BICD1: variants seen among roughly 807,000 people sequenced by gnomAD.
The protein encoded by BICD1 is BICD cargo adaptor 1.
BICD1 carries 35 observed loss-of-function variants against 92.5 expected under a neutral mutation model. That is an observed-to-expected ratio of 0.38 (90% confidence interval 0.29 to 0.50). The LOEUF (loss-of-function observed/expected upper bound fraction) is 0.50, where lower values mean the gene tolerates loss of function less well. BICD1 is among the 20% of genes least tolerant of loss of function. BICD1 has a pLI of 0.93. For synonymous variants in BICD1, 429 were observed against 465.1 expected (o/e 0.92, Z 1.00); for missense variants, 950 against 1,189.8 (o/e 0.80, Z 2.97).
intron 1 of BICD1, among the ~76,000 whole-genome samples, chr12:32,128,015 T>A (rs1208363979): frequency 6.6e-6 from 1 of 152,018 alleles, no homozygotes; most frequent in African/African-American, 2.4e-5. Context: ...GTGATTCTCC[T>A]GCCTCAGCCT....
At chr12:32,146,335 A>G (rs960188906) in intron 1 of BICD1, among the ~76,000 whole-genome samples, 3 of 152,160 alleles carry the variant, frequency 2.0e-5, no homozygotes, top group Admixed American at 2.0e-4. Context: ...ATGAGCTCAG[A>G]TAGAGATCAT....
intron 1 of BICD1, among the ~76,000 whole-genome samples, chr12:32,134,241 A>G (rs1942652494): frequency 6.6e-6 from 1 of 152,210 alleles, no homozygotes; most frequent in Non-Finnish European, 1.5e-5. Flanking sequence ...CCTGTGCCCT[A>G]CCATGGAACT....
chr12:32,116,339 A>ACTCTTTT (rs1289889022), intron 1 of BICD1, among the ~76,000 whole-genome samples: 4 of 151,272 alleles, frequency 2.6e-5, no homozygotes, highest in South Asian at 4.2e-4. Context: ...TCTTCCATCA[A>ACTCTTTT]CTCTTTTATG....
At chr12:32,183,367 C>T (rs767246914) in intron 1 of BICD1, among the ~76,000 whole-genome samples, 13 of 150,904 alleles carry the variant, frequency 8.6e-5, no homozygotes, top group African/African-American at 2.9e-4. Context: ...CTGGTTCAAG[C>T]GATTCTCCTG....
intron 2 of BICD1, among the ~76,000 whole-genome samples, chr12:32,258,143 A>G (rs1176557069): frequency 2.0e-5 from 3 of 152,222 alleles, no homozygotes; most frequent in East Asian, 1.9e-4. Context: ...GACAGGCCCA[A>G]TATGTGAGGG....
intron 2 of BICD1, among the ~76,000 whole-genome samples, chr12:32,290,821 T>C (rs182561780): frequency 6.6e-6 from 1 of 152,266 alleles, no homozygotes; most frequent in East Asian, 1.9e-4. Flanking sequence ...AAATCTTCAC[T>C]TGCTCTTGCT....
rs76579761 is a variant in BICD1, at chr12:32,167,661, G to C, written c.214-48586G>C. On this transcript the variant is annotated intron_variant, in intron 1 of 9. Coordinates refer to ENST00000652176, the MANE Select transcript of BICD1 (RefSeq NM_001714.4). The stretch of plus-strand genomic sequence containing the variant: ...GGTTGAAATGGGGCTTCACCATGTT[G>C]GTCAGGCTGGTCTCAAACTCCTGAC... Among the ~76,000 whole-genome samples, 1,505 of 152,186 alleles carry C rather than the reference G, an allele frequency of 9.9e-3. 28 individuals carry two copies. Among genetic ancestry groups the C allele is most frequent in the African/African-American group, 0.034 (1,426 of 41,510 alleles).
At chr12:32,109,431 C>T (rs2121120691) in intron 1 of BICD1, 1 of 152,046 alleles carries the variant, frequency 6.6e-6, no homozygotes, top group East Asian at 1.9e-4. Flanking sequence ...GTTTCACCAG[C>T]AGTAATGAGA....
Position 32,328,239 on chromosome 12 carries a change from C to G in BICD1, c.1784C>G (p.Thr595Ser), listed in dbSNP as rs1314647459. 6.2e-7 allele frequency: 1 copy of G among 1,614,214 alleles called. No individual in the cohort carries two copies. Reference sequence around the variant, plus strand: ...GAGGCCAGCAAAGAACCAAGTCCAACTAAGACCCCCACAATCTCTCCTGTT... The same window carrying G: ...GAGGCCAGCAAAGAACCAAGTCCAAGTAAGACCCCCACAATCTCTCCTGTT... The part of the protein sequence containing the change: ...STEASKEPSP[T>S]KTPTISPVIT... Residue 595 changes from threonine to serine, a missense_variant, in exon 5 of 10, where the codon ACT (threonine) becomes AGT (serine). By Grantham distance (58) the Thr-to-Ser change is moderately conservative (BLOSUM62 1). Coordinates refer to ENST00000652176, the MANE Select transcript of BICD1 (RefSeq NM_001714.4). The surrounding 1 kb of genome is among the most constrained non-coding windows in gnomAD (Gnocchi z 4.4).
At chr12:32,321,279 T>A (rs1948649671) in intron 4 of BICD1, among the ~76,000 whole-genome samples, 1 of 151,906 alleles carries the variant, frequency 6.6e-6, no homozygotes, top group South Asian at 2.1e-4. Flanking sequence ...TGATCCAAGA[T>A]CACACCACTG....
intron 1 of BICD1, among the ~76,000 whole-genome samples, chr12:32,175,199 A>G (rs1944056089): frequency 6.6e-6 from 1 of 152,232 alleles, no homozygotes; most frequent in Admixed American, 6.5e-5. Flanking sequence ...GCATTCTGGC[A>G]GGACAAATGA....
At chr12:32,143,644 T>C (rs548594965) in intron 1 of BICD1, among the ~76,000 whole-genome samples, 3 of 152,346 alleles carry the variant, frequency 2.0e-5, no homozygotes, top group African/African-American at 7.2e-5. Context: ...GTTGTACATA[T>C]AGCCTGGTGA....
intron 2 of BICD1, among the ~76,000 whole-genome samples, chr12:32,255,883 G>T (rs745456759): frequency 6.6e-6 from 1 of 152,082 alleles, no homozygotes; most frequent in African/African-American, 2.4e-5. Flanking sequence ...GCGGCCAGGC[G>T]TATTAAAATA....
chr12:32,154,401 G>A (rs1001745016), intron 1 of BICD1, among the ~76,000 whole-genome samples: 1 of 152,086 alleles, frequency 6.6e-6, no homozygotes, highest in Non-Finnish European at 1.5e-5. Context: ...ACCCACCACT[G>A]TTAGATCAGT....
rs560408045 is a variant in BICD1 at position 32,378,727 on chromosome 12, G to A, written c.*1100G>A. The A allele has an allele frequency of 3.1e-4, 47 of 151,578 alleles. No homozygotes were observed. Among genetic ancestry groups the A allele is most frequent in the Non-Finnish European group, 5.9e-4 (40 of 67,994 alleles). The allele number at this position is 151,578 out of a possible 1,614,324, so 9.4% of individuals were successfully genotyped here. ...GATTAAAATTGTATGTTTTGTTGTT[G>A]TTAGTTTTTTTCATAACGAATCTTC... On this transcript the variant is annotated 3_prime_UTR_variant, in exon 10 of 10. Transcript: ENST00000652176.
At position 32,379,791 on chromosome 12, in the gene BICD1, A is replaced by C. The variant is rs566264714; in HGVS notation, c.*2164A>C. The stretch of plus-strand genomic sequence containing the variant: ...ATGCCTTTTTAAAAAGTACCTCAGA[A>C]CATGTTCGTAGATCGTCTCATCGGT... On this transcript the variant is annotated 3_prime_UTR_variant, in exon 10 of 10. Transcript: ENST00000652176. The C allele has an allele frequency of 6.6e-6, 1 of 152,296 alleles. No individual in the cohort carries two copies. The highest frequency in any genetic ancestry group is 6.5e-5 in the Admixed American group (1 of 15,294). 9.4% of individuals were successfully genotyped at this position (152,296 alleles called of 1,614,324 possible).
At chr12:32,237,929 T>G (rs1028151410) in intron 2 of BICD1, among the ~76,000 whole-genome samples, 1 of 152,212 alleles carries the variant, frequency 6.6e-6, no homozygotes, top group Non-Finnish European at 1.5e-5. Flanking sequence ...AAGAAATACA[T>G]TTTATAAAGA....
intron 1 of BICD1, among the ~76,000 whole-genome samples, chr12:32,115,391 T>TTTTG (rs1941855742): frequency 6.6e-6 from 1 of 151,468 alleles, no homozygotes; most frequent in East Asian, 1.9e-4. Flanking sequence ...TTTTTGGTTT[T>TTTTG]TTTTTTTTTG....
chr12:32,374,081 G>A (rs1190973540), intron 9 of BICD1, among the ~76,000 whole-genome samples: 6 of 151,750 alleles, frequency 4.0e-5, no homozygotes, highest in Non-Finnish European at 8.8e-5. Flanking sequence ...AGGTGTGGTG[G>A]CGCAGGCCTG....
Sources: gnomAD v4.1 joint callset for allele counts (sites outside exome capture counted in the v4.1 genomes callset) on GRCh38, gnomAD v4.1.1 for gene constraint, Gnocchi (gnomAD v3.1) non-coding constraint, MANE v1.5 for transcripts, NCBI Gene and HGNC (gene_info 2026-07-23, HGNC 2026-07-21) for gene names.